Variants in CNTNAP5 observed in about 807,000 individuals in gnomAD.
The protein encoded by CNTNAP5 is contactin associated protein family member 5, also known as contactin-associated protein-like 5.
A neutral mutation model predicts 150.2 loss-of-function variants in CNTNAP5; 72 were observed. The observed-to-expected ratio is 0.48, with a 90% CI of 0.40 to 0.58. CNTNAP5 has a LOEUF of 0.58. Among genes scored for constraint, CNTNAP5 ranks in the 20% least tolerant of loss-of-function variants. The pLI is 0.00. For synonymous variants in CNTNAP5, 672 were observed against 619.8 expected (o/e 1.08, Z -1.25); for missense variants, 1,636 against 1,626.2 (o/e 1.01, Z -0.10).
chr2:124,835,256 T>C (rs1266788148), intron 19 of CNTNAP5, among the ~76,000 whole-genome samples: 2 of 93,216 alleles, frequency 2.1e-5, no homozygotes. Flanking sequence ...GACACTCAGG[T>C]TAATTTAAAA....
intron 3 of CNTNAP5, among the ~76,000 whole-genome samples, chr2:124,361,984 G>A (rs1265800259): frequency 3.3e-5 from 5 of 152,224 alleles, no homozygotes; most frequent in African/African-American, 1.2e-4. Flanking sequence ...AGGACCCTCT[G>A]AGCCAGGTGC....
chr2:124,536,612 G>A (rs1249112923), intron 10 of CNTNAP5, among the ~76,000 whole-genome samples: 1 of 152,132 alleles, frequency 6.6e-6, no homozygotes, highest in Non-Finnish European at 1.5e-5. Context: ...TCGAATTCAG[G>A]TTTTTCTGAT....
At chr2:124,880,838 A>G (rs1030415117) in intron 21 of CNTNAP5, among the ~76,000 whole-genome samples, 1 of 152,116 alleles carries the variant, frequency 6.6e-6, no homozygotes, top group African/African-American at 2.4e-5. Context: ...TAAAAAGAAG[A>G]GATCATTTCT....
chr2:124,437,392 C>T (rs1329592526), intron 5 of CNTNAP5, among the ~76,000 whole-genome samples: 1 of 152,112 alleles, frequency 6.6e-6, no homozygotes, highest in Non-Finnish European at 1.5e-5. Flanking sequence ...CATTAGCCCC[C>T]ATTTACAGAT....
At chr2:124,355,191 G>T (rs1689966260) in intron 3 of CNTNAP5, among the ~76,000 whole-genome samples, 1 of 151,890 alleles carries the variant, frequency 6.6e-6, no homozygotes, top group South Asian at 2.1e-4. Context: ...AAAATAATTA[G>T]GGGATAAATG....
intron 1 of CNTNAP5, among the ~76,000 whole-genome samples, chr2:124,165,934 C>T (rs1375531976): frequency 2.0e-5 from 3 of 152,110 alleles, no homozygotes; most frequent in Non-Finnish European, 4.4e-5. Context: ...TAGACACAAC[C>T]CCCAAAACTC....
At chr2:124,402,897 C>G (rs1042655520) in intron 3 of CNTNAP5, among the ~76,000 whole-genome samples, 1 of 152,202 alleles carries the variant, frequency 6.6e-6, no homozygotes, top group Non-Finnish European at 1.5e-5. Context: ...ACCTATTTCT[C>G]TCATTTTCTT....
chr2:124,881,118 G>C (rs1167753621), intron 21 of CNTNAP5, among the ~76,000 whole-genome samples: 1 of 152,108 alleles, frequency 6.6e-6, no homozygotes, highest in Non-Finnish European at 1.5e-5. Context: ...CTCTGCAAAG[G>C]CATTCAGAAT....
At chr2:124,853,203 G>A (rs1278905932) in intron 19 of CNTNAP5, among the ~76,000 whole-genome samples, 2 of 152,212 alleles carry the variant, frequency 1.3e-5, no homozygotes, top group African/African-American at 2.4e-5. Flanking sequence ...CTTTGATGAT[G>A]TGAGGGCCAT....
chr2:124,888,226 A>G (rs1678121080), intron 21 of CNTNAP5, among the ~76,000 whole-genome samples: 1 of 152,068 alleles, frequency 6.6e-6, no homozygotes, highest in Admixed American at 6.6e-5. Flanking sequence ...GTGTTAATTC[A>G]TTCAGGATAA....
rs566747471 is a variant in CNTNAP5, at chr2:124,253,929, G to C, written c.381+11536G>C. Among the ~76,000 whole-genome samples the C allele has an allele frequency of 3.3e-5, 5 of 151,978 alleles. No individual in the cohort carries two copies. In the South Asian group the frequency reaches 1.0e-3, roughly 32 times the overall value. Reference sequence around the variant, plus strand: ...TTCATTTGAGTCTCTTTTAATTCAAGTGTATTTAATAACATTCTCCTTTAT... The same window carrying C: ...TTCATTTGAGTCTCTTTTAATTCAACTGTATTTAATAACATTCTCCTTTAT... On this transcript the variant is annotated intron_variant, in intron 3 of 23. Coordinates refer to ENST00000682447, the MANE Select transcript of CNTNAP5 (RefSeq NM_001367498.1).
At chr2:124,425,461 G>A (rs972920578) in intron 4 of CNTNAP5, among the ~76,000 whole-genome samples, 7 of 152,118 alleles carry the variant, frequency 4.6e-5, no homozygotes, top group African/African-American at 9.7e-5. Context: ...GCCACAACAC[G>A]GGTTGATCAT....
chr2:124,327,271 C>T (rs1018514555), intron 3 of CNTNAP5, among the ~76,000 whole-genome samples: 3 of 152,054 alleles, frequency 2.0e-5, no homozygotes, highest in East Asian at 1.9e-4. Context: ...TGAGCCACTG[C>T]GCCCGGCAGA....
chr2:124,611,215 A>C, intron 12 of CNTNAP5, among the ~76,000 whole-genome samples: 1 of 152,196 alleles, frequency 6.6e-6, no homozygotes, highest in East Asian at 1.9e-4. Context: ...AGGGTATGAA[A>C]AGTAAGACAC....
chr2:124,033,546 A>T (rs187923914), intron 1 of CNTNAP5, among the ~76,000 whole-genome samples: 173 of 152,114 alleles, frequency 1.1e-3, no homozygotes, highest in African/African-American at 3.9e-3. Flanking sequence ...CCCTGAGGAG[A>T]TGATTCTCTT....
chr2:124,619,833 T>C (rs935553117), intron 12 of CNTNAP5, among the ~76,000 whole-genome samples: 1 of 124,830 alleles, frequency 8.0e-6, no homozygotes, highest in African/African-American at 3.2e-5. Context: ...CTTCTCTCAC[T>C]GTCTCATTCA....
At chr2:124,422,054 C>G (rs1050275571) in intron 4 of CNTNAP5, among the ~76,000 whole-genome samples, 13 of 152,188 alleles carry the variant, frequency 8.5e-5, no homozygotes, top group African/African-American at 3.1e-4. Context: ...ACAGCCAGCA[C>G]TTAATTGGCA....
chr2:124,535,979 G>A (rs190783458), intron 10 of CNTNAP5, among the ~76,000 whole-genome samples: 27 of 152,050 alleles, frequency 1.8e-4, no homozygotes, highest in Non-Finnish European at 1.9e-4. Context: ...AAAACAGTGG[G>A]TAATATAAAA....
rs140518829 is a variant in CNTNAP5, at chr2:124,214,456, C to T, written c.83-7249C>T. 2.6e-3 allele frequency among the ~76,000 whole-genome samples: 393 copies of T among 152,248 alleles called. 3 individuals are homozygous for T. The highest frequency in any genetic ancestry group is 9.0e-3 in the African/African-American group (372 of 41,546). ...AGTGGTGCTGTGTTTATCTCCACCA[C>T]GTTTGATGAATTTGCGATAATTACT... is the stretch of plus-strand genomic sequence containing the variant. On this transcript the variant is annotated intron_variant, in intron 1 of 23. Transcript: ENST00000682447.
Sources: allele counts gnomAD v4.1 joint callset (sites outside exome capture counted in the v4.1 genomes callset), GRCh38; gene constraint gnomAD v4.1.1; transcripts MANE v1.5; gene names NCBI Gene and HGNC (gene_info 2026-07-23, HGNC 2026-07-21).